TLN2: variants seen among roughly 807,000 people sequenced by gnomAD.
TLN2 encodes talin 2, also known as talin-2.
A neutral mutation model predicts 294.7 loss-of-function variants in TLN2; 118 were observed. The observed-to-expected ratio is 0.40, with a 90% CI of 0.34 to 0.47. TLN2 has a LOEUF of 0.47. TLN2 is among the 20% of genes least tolerant of loss of function. TLN2 has a pLI of 0.84. For missense variants in TLN2, 3,083 were observed against 3,282.2 expected (o/e 0.94, Z 1.48); for synonymous variants, 1,431 against 1,304.5 (o/e 1.10, Z -2.09).
At chr15:62,724,324 A>C (rs1218478850) in intron 26 of TLN2, among the ~76,000 whole-genome samples, 1 of 152,212 alleles carries the variant, frequency 6.6e-6, no homozygotes, top group Non-Finnish European at 1.5e-5. Flanking sequence ...AAAAATGGAA[A>C]GAAATGAAAA....
chr15:62,839,551 C>A (rs1948634), intron 58 of TLN2, among the ~76,000 whole-genome samples: 1 of 152,116 alleles, frequency 6.6e-6, no homozygotes, highest in African/African-American at 2.4e-5. Flanking sequence ...TTCTGACTTA[C>A]GCAGGATTGC....
At chr15:62,593,237 T>G (rs990500616) in intron 2 of TLN2, among the ~76,000 whole-genome samples, 1 of 152,148 alleles carries the variant, frequency 6.6e-6, no homozygotes. Context: ...ATTAGCTGAT[T>G]CTTTGGATTA....
intron 2 of TLN2, among the ~76,000 whole-genome samples, chr15:62,611,348 G>A (rs1224938104): frequency 2.0e-5 from 3 of 152,206 alleles, no homozygotes; most frequent in African/African-American, 7.2e-5. Context: ...CTCAGGTATG[G>A]ATGCTGGGTG....
At chr15:62,705,952 T>C (rs765771126) in intron 19 of TLN2, among the ~76,000 whole-genome samples, 1 of 152,250 alleles carries the variant, frequency 6.6e-6, no homozygotes, top group Non-Finnish European at 1.5e-5. Context: ...GATAGATTCA[T>C]GGGTTTCTGG....
intron 8 of TLN2, among the ~76,000 whole-genome samples, chr15:62,656,347 C>G (rs28735404): frequency 7.2e-5 from 11 of 152,134 alleles, no homozygotes; most frequent in Non-Finnish European, 7.3e-5. Context: ...CCCTCTCTGC[C>G]GGGCTTTGAG....
At chr15:62,703,577 T>G (rs1363170723) in intron 19 of TLN2, among the ~76,000 whole-genome samples, 1 of 151,382 alleles carries the variant, frequency 6.6e-6, no homozygotes, top group East Asian at 1.9e-4. Flanking sequence ...TGAGTCCTCA[T>G]AAACATGAAG....
chr15:62,748,338 G>A lies in TLN2; in HGVS notation c.4026-13G>A. On this transcript the variant is annotated splice_polypyrimidine_tract_variant and intron_variant, in intron 32 of 58. Coordinates refer to ENST00000636159, the MANE Select transcript of TLN2 (RefSeq NM_015059.3). ...TCTTCAAAAAAAAAAAAAAAATTCT[G>A]TTTCTGTCACAGAGCTGTGACAGAG... The A allele has an allele frequency of 6.4e-7, 1 of 1,556,786 alleles. No homozygotes were observed. Among genetic ancestry groups the A allele is most frequent in the East Asian group, 2.2e-5 (1 of 44,450 alleles).
At chr15:62,645,620 G>C (rs2051735523) in intron 3 of TLN2, among the ~76,000 whole-genome samples, 1 of 152,146 alleles carries the variant, frequency 6.6e-6, no homozygotes, top group Admixed American at 6.5e-5. Context: ...TGAGACCCTG[G>C]AGGCACTCGC....
At chr15:62,491,326 CAAAAA>C (rs775626928) in intron 1 of TLN2, among the ~76,000 whole-genome samples, 1 of 99,022 alleles carries the variant, frequency 1.0e-5, no homozygotes, top group East Asian at 3.2e-4. Context: ...GACTCTGTCT[CAAAAA>C]AAAAAAATAT....
chr15:62,474,986 G>A (rs1435549329), intron 1 of TLN2, among the ~76,000 whole-genome samples: 4 of 151,990 alleles, frequency 2.6e-5, no homozygotes, highest in South Asian at 4.2e-4. Flanking sequence ...TGAGTTCTAC[G>A]CTATGCAAAA....
chr15:62,402,737 T>A (rs772516506), intron 1 of TLN2, among the ~76,000 whole-genome samples: 1 of 152,224 alleles, frequency 6.6e-6, no homozygotes, highest in Non-Finnish European at 1.5e-5. Flanking sequence ...TGACCTGGCT[T>A]ATTTCACTGA....
chr15:62,543,685 G>A (rs775670617), intron 1 of TLN2, among the ~76,000 whole-genome samples: 14 of 151,596 alleles, frequency 9.2e-5, no homozygotes, highest in Non-Finnish European at 1.8e-4. Flanking sequence ...AACCCAGGAG[G>A]CGGAGGTTGC....
chr15:62,576,010 A>G (rs2044362988), intron 1 of TLN2, among the ~76,000 whole-genome samples: 1 of 152,222 alleles, frequency 6.6e-6, no homozygotes, highest in Non-Finnish European at 1.5e-5. Context: ...GCTTTTTAAA[A>G]TAGCAATAGA....
At chr15:62,823,613 C>T (rs2067770660) in intron 54 of TLN2, among the ~76,000 whole-genome samples, 1 of 152,310 alleles carries the variant, frequency 6.6e-6, no homozygotes, top group African/African-American at 2.4e-5. Flanking sequence ...GCTCTGCTCA[C>T]CACCGTCTCA....
chr15:62,644,638 C>T (rs556899041), intron 3 of TLN2: 6 of 455,538 alleles, frequency 1.3e-5, no homozygotes, highest in East Asian at 7.0e-5. Flanking sequence ...GTGCACCTTG[C>T]GGACCCCGCA....
At chr15:62,627,250 G>GTAGA (rs1222831590) in intron 3 of TLN2, among the ~76,000 whole-genome samples, 3 of 152,148 alleles carry the variant, frequency 2.0e-5, no homozygotes, top group Non-Finnish European at 4.4e-5. Flanking sequence ...AGGAAGGAAG[G>GTAGA]TAGATATTAA....
At chr15:62,766,700 C>T (rs1042440506) in intron 41 of TLN2, among the ~76,000 whole-genome samples, 3 of 152,108 alleles carry the variant, frequency 2.0e-5, no homozygotes, top group Admixed American at 6.5e-5. Context: ...TACAGTCATC[C>T]GTTGCAATCG....
At chr15:62,605,313 C>T (rs1014972383) in intron 2 of TLN2, among the ~76,000 whole-genome samples, 3 of 152,154 alleles carry the variant, frequency 2.0e-5, no homozygotes, top group Non-Finnish European at 2.9e-5. Flanking sequence ...GTTTCCTTAT[C>T]CTTTGTGTCT....
At chr15:62,526,881 A>T (rs531018165) in intron 1 of TLN2, among the ~76,000 whole-genome samples, 1 of 152,222 alleles carries the variant, frequency 6.6e-6, no homozygotes, top group Non-Finnish European at 1.5e-5. Flanking sequence ...TTGGAAAGTG[A>T]AGTACTAGCA....
Sources: allele counts gnomAD v4.1 joint callset (sites outside exome capture counted in the v4.1 genomes callset), GRCh38; gene constraint gnomAD v4.1.1; transcripts MANE v1.5; gene names NCBI Gene and HGNC (gene_info 2026-07-23, HGNC 2026-07-21).